Variants in IGSF3 observed in about 807,000 individuals in gnomAD.
IGSF3 encodes immunoglobulin superfamily member 3, also known as glu-Trp-Ile EWI motif-containing protein 3.
A neutral mutation model predicts 114.4 loss-of-function variants in IGSF3; 23 were observed. That is an observed-to-expected ratio of 0.20 (90% CI 0.14 to 0.28). IGSF3 has a LOEUF of 0.28. Ranked by LOEUF, IGSF3 falls within the 10% of genes least tolerant of loss-of-function variation. The probability of loss-of-function intolerance (pLI) is 1.00; values close to 1 mark genes in which losing one functional copy is unlikely to be tolerated. For missense variants in IGSF3, 1,172 were observed against 1,591.5 expected (o/e 0.74, Z 4.48); for synonymous variants, 571 against 645.2 (o/e 0.88, Z 1.74).
chr1:116,656,293 C>CTTTTT (rs56148691), intron 2 of IGSF3, among the ~76,000 whole-genome samples: 4 of 62,438 alleles, frequency 6.4e-5, no homozygotes, highest in Non-Finnish European at 5.7e-5. Context: ...TTTCTACATT[C>CTTTTT]TTTTTTTTTT....
Position 116,614,238 on chromosome 1 carries a change from C to T in IGSF3, c.422-63G>A, listed in dbSNP as rs1174222489. On this transcript the variant is annotated intron_variant, in intron 3 of 10. Transcript: ENST00000369486. The surrounding 1 kb of genome is among the most constrained non-coding windows in gnomAD (Gnocchi z 4.5). ...GCCACAGAATCTGAGACTCCCAGGG[C>T]TAAGCTCCCATTCCACGCAGGCGTC... The T allele has an allele frequency of 7.2e-7, 1 of 1,397,152 alleles. No homozygotes were observed. Among genetic ancestry groups the T allele is most frequent in the African/African-American group, 1.4e-5 (1 of 70,748 alleles). 86.5% of individuals were successfully genotyped at this position (1,397,152 alleles called of 1,614,324 possible).
intron 2 of IGSF3, among the ~76,000 whole-genome samples, chr1:116,626,418 A>C (rs1302288550): frequency 6.6e-6 from 1 of 152,054 alleles, no homozygotes; most frequent in East Asian, 1.9e-4. Context: ...TTTCCTCTTT[A>C]TATAGCTGCA....
Position 116,615,701 on chromosome 1 carries a change from C to A in IGSF3, c.421+379G>T, listed in dbSNP as rs1397920317. 7.2e-5 allele frequency among the ~76,000 whole-genome samples: 11 copies of A among 152,230 alleles called. No individual in the cohort carries two copies. Among genetic ancestry groups the A allele is most frequent in the Admixed American group, 3.9e-4 (6 of 15,286 alleles). ...CAGTGCCCCGTGGGTCTCAGAGCTG[C>A]CCAAAGGCCTATCCTTCTGAGAGGT... On this transcript the variant is annotated intron_variant, in intron 3 of 10. Coordinates refer to ENST00000369486, the MANE Select transcript of IGSF3 (RefSeq NM_001007237.3). This position sits in a 1 kb window ranked among gnomAD's most constrained non-coding sequence, Gnocchi z 4.3.
rs1649263101 is a variant in IGSF3 at position 116,664,836 on chromosome 1, C to T, written c.43+1448G>A. On this transcript the variant is annotated intron_variant, in intron 2 of 10. Transcript: ENST00000369486. The surrounding 1 kb of genome is among the most constrained non-coding windows in gnomAD (Gnocchi z 4.6). ...GCACTGGCGCTAGTGAACTCACCCACTGGTTCTCTACTGAACCATGCATGG... is the reference window on the plus strand; with the variant it reads ...GCACTGGCGCTAGTGAACTCACCCATTGGTTCTCTACTGAACCATGCATGG... Among the ~76,000 whole-genome samples, 1 of 152,216 alleles carries T rather than the reference C, an allele frequency of 6.6e-6. No homozygotes were observed. Among genetic ancestry groups the T allele is most frequent in the Admixed American group, 6.5e-5 (1 of 15,288 alleles).
intron 2 of IGSF3, among the ~76,000 whole-genome samples, chr1:116,663,668 C>G (rs1226035784): frequency 6.6e-6 from 1 of 152,100 alleles, no homozygotes; most frequent in Non-Finnish European, 1.5e-5. Context: ...TGATTCCAAT[C>G]CCAGACACTG....
intron 7 of IGSF3, among the ~76,000 whole-genome samples, chr1:116,590,214 C>T (rs1660045859): frequency 6.6e-6 from 1 of 151,954 alleles, no homozygotes; most frequent in African/African-American, 2.4e-5. Flanking sequence ...AGCGCCTCCC[C>T]AGCAGCTAAT....
At chr1:116,586,515 G>A (rs1226612357) in intron 8 of IGSF3, among the ~76,000 whole-genome samples, 1 of 152,168 alleles carries the variant, frequency 6.6e-6, no homozygotes, top group Admixed American at 6.5e-5. Flanking sequence ...AAGAAACGAG[G>A]AAAGCTGTTT....
Position 116,614,726 on chromosome 1 carries a change from A to G in IGSF3, c.422-551T>C, listed in dbSNP as rs1362775024. ...GTAGAAAAAATAATCATCATACCCTATTTTTAGTGGGTTTAATTTTCGCAT... is the reference window on the plus strand; with the variant it reads ...GTAGAAAAAATAATCATCATACCCTGTTTTTAGTGGGTTTAATTTTCGCAT... On this transcript the variant is annotated intron_variant, in intron 3 of 10. Coordinates refer to ENST00000369486, the MANE Select transcript of IGSF3 (RefSeq NM_001007237.3). This position sits in a 1 kb window ranked among gnomAD's most constrained non-coding sequence, Gnocchi z 4.5. Among the ~76,000 whole-genome samples the G allele has an allele frequency of 6.6e-6, 1 of 152,112 alleles. No individual in the cohort carries two copies. Among genetic ancestry groups the G allele is most frequent in the Non-Finnish European group, 1.5e-5 (1 of 68,002 alleles).
rs182235528 is a variant in IGSF3 at position 116,665,055 on chromosome 1, C to G, written c.43+1229G>C. 4.7e-4 allele frequency among the ~76,000 whole-genome samples: 72 copies of G among 152,314 alleles called. 1 individual carries two copies. The highest frequency in any genetic ancestry group is 3.4e-3 in the Middle Eastern group (1 of 294). ...AGTTTCAGACATTATTTAAGGCAGT[C>G]AAGGCATTTAGGACACCTTATATCC... is the stretch of plus-strand genomic sequence containing the variant. On this transcript the variant is annotated intron_variant, in intron 2 of 10. Coordinates refer to ENST00000369486, the MANE Select transcript of IGSF3 (RefSeq NM_001007237.3). The surrounding 1 kb of genome is among the most constrained non-coding windows in gnomAD (Gnocchi z 4.0).
In IGSF3 at chr1:116,610,138, C is replaced by T. The variant is rs1384668294; in HGVS notation, c.833-1807G>A. 2.0e-5 allele frequency among the ~76,000 whole-genome samples: 3 copies of T among 152,198 alleles called. No individual in the cohort carries two copies. The highest frequency in any genetic ancestry group is 4.4e-5 in the Non-Finnish European group (3 of 68,036). ...GCCACCATCTGCCTGGATGAACACA[C>T]CCATATGGGACAGTCCCCGTGTTAT... On this transcript the variant is annotated intron_variant, in intron 4 of 10. Transcript: ENST00000369486. The surrounding 1 kb of genome is among the most constrained non-coding windows in gnomAD (Gnocchi z 4.3).
At position 116,632,803 on chromosome 1, in the gene IGSF3, C is replaced by T. The variant is rs1388286816; in HGVS notation, c.44-16346G>A. 1.3e-5 allele frequency among the ~76,000 whole-genome samples: 2 copies of T among 152,066 alleles called. No homozygotes were observed. The highest frequency in any genetic ancestry group is 1.9e-4 in the East Asian group (1 of 5,190). ...ACTCCAGAAAAATAAAAGGCTGCAG[C>T]GAGAAACAAGTGGGGCCACAGAGAG... On this transcript the variant is annotated intron_variant, in intron 2 of 10. Coordinates refer to ENST00000369486, the MANE Select transcript of IGSF3 (RefSeq NM_001007237.3). This position sits in a 1 kb window ranked among gnomAD's most constrained non-coding sequence, Gnocchi z 5.1.
At position 116,584,446 on chromosome 1, in the gene IGSF3, G is replaced by A. The variant is rs1047082425; in HGVS notation, c.2848+199C>T. 20 of 589,620 alleles carry A rather than the reference G, an allele frequency of 3.4e-5. No individual in the cohort carries two copies. The Admixed American group carries it at 5.7e-4, about 17-fold the overall frequency. 36.5% of individuals were successfully genotyped at this position (589,620 alleles called of 1,614,324 possible). On this transcript the variant is annotated intron_variant, in intron 9 of 10. Coordinates refer to ENST00000369486, the MANE Select transcript of IGSF3 (RefSeq NM_001007237.3). The surrounding 1 kb of genome is among the most constrained non-coding windows in gnomAD (Gnocchi z 5.8). Reference sequence around the variant, plus strand: ...TATTTAAGAAATCAAATCACCTTAGGCCAAAGCCAGACGTGCAATTTTCCA... The same window carrying A: ...TATTTAAGAAATCAAATCACCTTAGACCAAAGCCAGACGTGCAATTTTCCA...
At position 116,583,014 on chromosome 1, in the gene IGSF3, G is replaced by T. The variant is rs1659665461; in HGVS notation, c.2848+1631C>A. Among the ~76,000 whole-genome samples, 1 of 152,232 alleles carries T rather than the reference G, an allele frequency of 6.6e-6. No homozygotes were observed. Among genetic ancestry groups the T allele is most frequent in the African/African-American group, 2.4e-5 (1 of 41,464 alleles). On this transcript the variant is annotated intron_variant, in intron 9 of 10. Transcript: ENST00000369486. The surrounding 1 kb of genome is among the most constrained non-coding windows in gnomAD (Gnocchi z 4.5). Reference sequence around the variant, plus strand: ...CACAAGGCTAACGGTTCAGGTCCATGTTGGAAGCACACAGTGTGGCAGGAG... The same window carrying T: ...CACAAGGCTAACGGTTCAGGTCCATTTTGGAAGCACACAGTGTGGCAGGAG...
At chr1:116,591,915 G>C (rs1471204281) in intron 7 of IGSF3, among the ~76,000 whole-genome samples, 1 of 152,192 alleles carries the variant, frequency 6.6e-6, no homozygotes, top group Non-Finnish European at 1.5e-5. Context: ...GTTTTGTGCA[G>C]ACTAAAAGCA....
rs1199676441 is a variant in IGSF3, at chr1:116,658,048, TTTTTG to T, written c.43+8231_43+8235del. Reference sequence around the variant, plus strand: ...GGTTTTTTTTTTTTTGAAATGGAGTTTTTTGTTTTGTTTTGTTTTGTTTGCTTTTG... The same window carrying T: ...GGTTTTTTTTTTTTTGAAATGGAGTTTTTTGTTTTGTTTTGTTTGCTTTTG... On this transcript the variant is annotated intron_variant, in intron 2 of 10. Transcript: ENST00000369486. 1.6e-3 allele frequency among the ~76,000 whole-genome samples: 250 copies of T among 151,946 alleles called. 4 individuals are homozygous for T. The highest frequency in any genetic ancestry group is 5.5e-3 in the African/African-American group (226 of 41,430).
Position 116,654,111 on chromosome 1 carries a change from T to C in IGSF3, c.43+12173A>G, listed in dbSNP as rs959413756. On this transcript the variant is annotated intron_variant, in intron 2 of 10. Transcript: ENST00000369486. This position sits in a 1 kb window ranked among gnomAD's most constrained non-coding sequence, Gnocchi z 4.4. ...TTCCTCACACTAACAAACATGTCCATCTATGTGAAGCAGAATTCCCAACAC... is the reference window on the plus strand; with the variant it reads ...TTCCTCACACTAACAAACATGTCCACCTATGTGAAGCAGAATTCCCAACAC... 7.9e-5 allele frequency among the ~76,000 whole-genome samples: 12 copies of C among 152,168 alleles called. No individual in the cohort carries two copies. Among genetic ancestry groups the C allele is most frequent in the African/African-American group, 2.9e-4 (12 of 41,448 alleles).
chr1:116,627,488 C>A lies in IGSF3; in HGVS notation c.44-11031G>T, dbSNP rs915545254. Among the ~76,000 whole-genome samples the A allele has an allele frequency of 3.3e-5, 5 of 152,218 alleles. No homozygotes were observed. Among genetic ancestry groups the A allele is most frequent in the Non-Finnish European group, 7.3e-5 (5 of 68,032 alleles). ...TCCACAGCTCCTGCCACACTCAGCA[C>A]TGCCTGCACCTCCTCCTGGAGCTGG... On this transcript the variant is annotated intron_variant, in intron 2 of 10. Transcript: ENST00000369486. This position sits in a 1 kb window ranked among gnomAD's most constrained non-coding sequence, Gnocchi z 4.7.
At position 116,594,296 on chromosome 1, in the gene IGSF3, C is replaced by A. The variant is rs767299776; in HGVS notation, c.2030-5192G>T. Among the ~76,000 whole-genome samples the A allele has an allele frequency of 2.0e-5, 3 of 152,164 alleles. No homozygotes were observed. The highest frequency in any genetic ancestry group is 6.5e-5 in the Admixed American group (1 of 15,280). On this transcript the variant is annotated intron_variant, in intron 7 of 10. Coordinates refer to ENST00000369486, the MANE Select transcript of IGSF3 (RefSeq NM_001007237.3). This position sits in a 1 kb window ranked among gnomAD's most constrained non-coding sequence, Gnocchi z 5.2. ...AACTACTTTTTTTAAAAAAAACTTT[C>A]TTTATCCCACAACTAGGACAATATA...
chr1:116,628,527 A>T lies in IGSF3; in HGVS notation c.44-12070T>A, dbSNP rs1444748551. ...TCTGTATTCCATTACCCAGCATATA[A>T]CCACTTTGGGCAACAGGGACTGTGA... is the stretch of plus-strand genomic sequence containing the variant. On this transcript the variant is annotated intron_variant, in intron 2 of 10. Coordinates refer to ENST00000369486, the MANE Select transcript of IGSF3 (RefSeq NM_001007237.3). The surrounding 1 kb of genome is among the most constrained non-coding windows in gnomAD (Gnocchi z 4.2). 7.2e-5 allele frequency among the ~76,000 whole-genome samples: 11 copies of T among 152,000 alleles called. No individual in the cohort carries two copies. The highest frequency in any genetic ancestry group is 7.2e-4 in the Admixed American group (11 of 15,262).
Sources: allele counts gnomAD v4.1 joint callset (sites outside exome capture counted in the v4.1 genomes callset), GRCh38; gene constraint gnomAD v4.1.1; non-coding constraint Gnocchi (gnomAD v3.1); transcripts MANE v1.5; gene names NCBI Gene and HGNC (gene_info 2026-07-23, HGNC 2026-07-21).